Variants in CAB39 observed in about 807,000 individuals in gnomAD.
CAB39 encodes the protein calcium-binding protein 39.
In CAB39, 8 loss-of-function variants were observed where a neutral mutation model predicts 40.0. The observed-to-expected ratio is 0.20, with a 90% CI of 0.12 to 0.36. The LOEUF (loss-of-function observed/expected upper bound fraction) is 0.36. Among genes scored for constraint, CAB39 ranks in the 10% least tolerant of loss-of-function variants. CAB39 has a pLI of 1.00. For missense variants in CAB39, 270 were observed against 401.1 expected (o/e 0.67, Z 2.79); for synonymous variants, 156 against 141.6 (o/e 1.10, Z -0.72).
chr2:230,763,371 C>G (rs2124923167), intron 2 of CAB39, among the ~76,000 whole-genome samples: 1 of 152,228 alleles, frequency 6.6e-6, no homozygotes, highest in East Asian at 1.9e-4. Flanking sequence ...GTGGGTGGAT[C>G]ACTTGAGGCC....
chr2:230,784,897 T>C (rs141882750), intron 2 of CAB39, among the ~76,000 whole-genome samples: 29 of 152,340 alleles, frequency 1.9e-4, no homozygotes, highest in African/African-American at 7.0e-4. Flanking sequence ...GTGTCCAGTT[T>C]CCATTGGCTG....
At chr2:230,723,842 T>C (rs1350120214) in intron 1 of CAB39, among the ~76,000 whole-genome samples, 1 of 152,248 alleles carries the variant, frequency 6.6e-6, no homozygotes, top group East Asian at 1.9e-4. Context: ...TTGAGGTGTT[T>C]CTCAGTTTGT....
chr2:230,747,039 A>G (rs1184924440), intron 1 of CAB39, among the ~76,000 whole-genome samples: 1 of 151,946 alleles, frequency 6.6e-6, no homozygotes, highest in African/African-American at 2.4e-5. Context: ...GGAGATCTTT[A>G]TGGAGCAGCT....
At chr2:230,722,768 T>C (rs922393732) in intron 1 of CAB39, among the ~76,000 whole-genome samples, 3 of 152,196 alleles carry the variant, frequency 2.0e-5, no homozygotes, top group African/African-American at 4.8e-5. Flanking sequence ...CTTTGAAAAA[T>C]ATTTTAAGAC....
At chr2:230,729,872 C>T (rs941800961) in intron 1 of CAB39, among the ~76,000 whole-genome samples, 1 of 151,796 alleles carries the variant, frequency 6.6e-6, no homozygotes, top group Non-Finnish European at 1.5e-5. Flanking sequence ...ATGAAATGCC[C>T]AGGGTGAGGA....
intron 2 of CAB39, among the ~76,000 whole-genome samples, chr2:230,766,662 G>A (rs983446108): frequency 6.6e-6 from 1 of 152,322 alleles, no homozygotes; most frequent in Non-Finnish European, 1.5e-5. Flanking sequence ...CCAAGTAGCT[G>A]GGACTACAAG....
At chr2:230,773,160 T>G (rs1343040988) in intron 2 of CAB39, among the ~76,000 whole-genome samples, 3 of 152,042 alleles carry the variant, frequency 2.0e-5, no homozygotes, top group Non-Finnish European at 4.4e-5. Context: ...AGTGGTTGCT[T>G]TAGCTTTGAT....
chr2:230,757,267 T>C (rs1011492900), intron 1 of CAB39, among the ~76,000 whole-genome samples: 1 of 152,154 alleles, frequency 6.6e-6, no homozygotes, highest in African/African-American at 2.4e-5. Flanking sequence ...ACCTAATTTT[T>C]AAATTTTTTG....
intron 1 of CAB39, among the ~76,000 whole-genome samples, chr2:230,721,105 A>C (rs1480299745): frequency 6.6e-6 from 1 of 152,182 alleles, no homozygotes; most frequent in Non-Finnish European, 1.5e-5. Context: ...TCTTTCTATA[A>C]ATATTAAATG....
intron 2 of CAB39, among the ~76,000 whole-genome samples, chr2:230,777,647 A>T (rs934364521): frequency 2.6e-5 from 4 of 151,970 alleles, no homozygotes; most frequent in Non-Finnish European, 4.4e-5. Flanking sequence ...ACCTCAAGTG[A>T]TCGCCACCTT....
chr2:230,732,031 T>TG (rs991998549), intron 1 of CAB39, among the ~76,000 whole-genome samples: 2 of 151,622 alleles, frequency 1.3e-5, no homozygotes, highest in African/African-American at 4.8e-5. Flanking sequence ...ACTGTCTTAG[T>TG]GAGTGGTCAA....
chr2:230,781,093 A>T (rs1695678823), intron 2 of CAB39, among the ~76,000 whole-genome samples: 1 of 151,910 alleles, frequency 6.6e-6, no homozygotes, highest in African/African-American at 2.4e-5. Flanking sequence ...AAAAAAAAAA[A>T]TTATCTCGGG....
intron 1 of CAB39, among the ~76,000 whole-genome samples, chr2:230,759,035 G>A (rs745645068): frequency 2.6e-5 from 4 of 152,166 alleles, no homozygotes; most frequent in Non-Finnish European, 5.9e-5. Context: ...TTATGTGGTT[G>A]AAATGTTGTT....
chr2:230,763,423 C>T (rs1007059713), intron 2 of CAB39, among the ~76,000 whole-genome samples: 4 of 152,190 alleles, frequency 2.6e-5, no homozygotes, highest in Admixed American at 6.5e-5. Flanking sequence ...AAAACCCTTT[C>T]TCTACTAGAA....
At chr2:230,792,908 G>T (rs867849838) in intron 3 of CAB39, among the ~76,000 whole-genome samples, 1 of 152,088 alleles carries the variant, frequency 6.6e-6, no homozygotes, top group Non-Finnish European at 1.5e-5. Context: ...CATATTGCAG[G>T]GTTTTGTTTC....
rs780198674 is a variant in CAB39 at position 230,810,300 on chromosome 2, T to A, written c.605T>A (p.Phe202Tyr). The A allele has an allele frequency of 7.0e-7, 1 of 1,429,170 alleles. No individual in the cohort carries two copies. The highest frequency in any genetic ancestry group is 1.3e-5 in the South Asian group (1 of 76,908). The allele number at this position is 1,429,170 out of a possible 1,614,324, so 88.5% of individuals were successfully genotyped here. ...LTRHKLLSAE[F>Y]LEQHYDRFFS... is the part of the protein sequence containing the mutation. ...AGACATAAATTGCTCAGTGCAGAAT[T>A]TTTGGAACAGCATTATGATAGAGTA... Residue 202 changes from phenylalanine (F) to tyrosine (Y), a missense_variant, in exon 6 of 9, where the codon TTT becomes TAT. Coordinates refer to ENST00000258418, the MANE Select transcript of CAB39 (RefSeq NM_016289.4).
chr2:230,791,953 T>C (rs1418564018), intron 3 of CAB39, among the ~76,000 whole-genome samples: 1 of 152,218 alleles, frequency 6.6e-6, no homozygotes, highest in East Asian at 1.9e-4. Context: ...CCCCAGTGTT[T>C]GTCAGCCTGA....
intron 5 of CAB39, among the ~76,000 whole-genome samples, chr2:230,807,439 A>C: frequency 7.5e-6 from 1 of 133,426 alleles, no homozygotes; most frequent in East Asian, 2.2e-4. Flanking sequence ...AGGCCTTTGA[A>C]TGACCCTTTT....
rs1028207204 is a variant in CAB39, at chr2:230,820,465, A to G, written c.*1761A>G. On this transcript the variant is annotated 3_prime_UTR_variant, in exon 9 of 9. Transcript: ENST00000258418. ...ACCAGAATCTGTGTGAAATAAGGCA[A>G]TCTAGTCTCCTTGAAAAAAAAATCT... The G allele has an allele frequency of 2.6e-5, 4 of 152,182 alleles. No individual in the cohort carries two copies. The highest frequency in any genetic ancestry group is 9.7e-5 in the African/African-American group (4 of 41,430). The allele number at this position is 152,182 out of a possible 1,614,324, so 9.4% of individuals were successfully genotyped here.
Sources: gnomAD v4.1 joint callset for allele counts (sites outside exome capture counted in the v4.1 genomes callset) on GRCh38, gnomAD v4.1.1 for gene constraint, MANE v1.5 for transcripts, NCBI Gene and HGNC (gene_info 2026-07-23, HGNC 2026-07-21) for gene names.